Variants in SARDH observed in about 807,000 individuals in gnomAD.
SARDH encodes the protein sarcosine dehydrogenase, mitochondrial.
In SARDH, 95 loss-of-function variants were observed where a neutral mutation model predicts 109.1. The ratio of observed to expected loss-of-function variants is 0.87; its 90% CI spans 0.74 to 1.03. The LOEUF (loss-of-function observed/expected upper bound fraction) is 1.03, where lower values mean the gene tolerates loss of function less well. Among genes scored for constraint, SARDH ranks in the 50% least tolerant of loss-of-function variants. The pLI is 0.00. For missense variants in SARDH, 1,267 were observed against 1,287.8 expected (o/e 0.98, Z 0.25); for synonymous variants, 572 against 534.8 (o/e 1.07, Z -0.96).
chr9:133,737,542 C>A (rs979926636), intron 1 of SARDH, among the ~76,000 whole-genome samples: 2 of 152,188 alleles, frequency 1.3e-5, no homozygotes, highest in Admixed American at 6.5e-5. Flanking sequence ...AGGCTGAACA[C>A]CCCCACCCCA....
intron 3 of SARDH, 46 bp downstream of exon 3, chr9:133,732,377 C>CA: frequency 1.9e-6 from 1 of 517,400 alleles, no homozygotes; most frequent in African/African-American, 2.0e-5. Flanking sequence ...GGAGTGCACC[C>CA]ACCCACCCAA....
At chr9:133,723,822 G>C (rs1190725169) in intron 6 of SARDH, among the ~76,000 whole-genome samples, 2 of 152,070 alleles carry the variant, frequency 1.3e-5, no homozygotes, top group Non-Finnish European at 2.9e-5. Flanking sequence ...TTTCAGCAAG[G>C]GTGCTAAGAC....
downstream of SARDH, among the ~76,000 whole-genome samples, chr9:133,661,035 T>C (rs1161630199): frequency 1.3e-5 from 2 of 152,168 alleles, no homozygotes; most frequent in East Asian, 1.9e-4. Context: ...AAATCCTGTC[T>C]CTACAAAAAA....
chr9:133,734,396 C>T (rs9409852), intron 1 of SARDH, among the ~76,000 whole-genome samples, 193 bp from the exon 2 acceptor site: 140 of 128,798 alleles, frequency 1.1e-3, no homozygotes, highest in Non-Finnish European at 1.7e-3. Context: ...CATTCATTCA[C>T]TCATTCATTC....
intron 20 of SARDH, among the ~76,000 whole-genome samples, chr9:133,664,226 G>A (rs1349466027): frequency 1.3e-5 from 2 of 152,204 alleles, no homozygotes; most frequent in African/African-American, 4.8e-5. Flanking sequence ...TGGGCATCTG[G>A]GGTCCGGCAA....
In SARDH at chr9:133,671,599, C is replaced by T. The variant is rs760172937; in HGVS notation, c.2262G>A (p.Ala754=). The T allele has an allele frequency of 6.2e-6, 10 of 1,605,144 alleles. No individual in the cohort carries two copies. The highest frequency in any genetic ancestry group is 1.7e-4 in the Middle Eastern group (1 of 6,044). The part of the protein sequence containing the change: ...CVPVYRAVMA[A]GAKHGLINAG... ...CGTTGATGAGGCCGTGCTTGGCACC[C>T]GCGGCCATCACAGCCCGGTACACAG... The change falls in exon 18 of 21, where the codon GCG becomes GCA. Residue 754 remains alanine, a synonymous_variant. Coordinates refer to ENST00000439388, the MANE Select transcript of SARDH (RefSeq NM_001134707.2).
At chr9:133,713,004 C>T (rs1226723099) in intron 9 of SARDH, 34 bp downstream of exon 9, 1 of 1,585,820 alleles carries the variant, frequency 6.3e-7, no homozygotes, top group Non-Finnish European at 8.6e-7. Flanking sequence ...GGACCTCCCT[C>T]TTGGGGGCCA....
At chr9:133,708,143 G>T in intron 11 of SARDH, 144 bp downstream of exon 11, 1 of 940,668 alleles carries the variant, frequency 1.1e-6, no homozygotes, top group Non-Finnish European at 1.5e-6. Context: ...GGGGGTGCCG[G>T]GTTACTACCT....
intron 19 of SARDH, among the ~76,000 whole-genome samples, chr9:133,669,328 T>TC (rs1189324225): frequency 2.7e-5 from 2 of 74,470 alleles, no homozygotes; most frequent in African/African-American, 5.9e-5. Context: ...ACCCTCCCTC[T>TC]CCCTCGTCCT....
At chr9:133,676,790 C>T (rs894468647) in intron 17 of SARDH, among the ~76,000 whole-genome samples, 1 of 152,222 alleles carries the variant, frequency 6.6e-6, no homozygotes, top group Non-Finnish European at 1.5e-5. Context: ...AGTCAGACTG[C>T]AGAAAGCACA....
At chr9:133,679,842 G>A (rs987638740) in intron 17 of SARDH, among the ~76,000 whole-genome samples, 16 of 152,202 alleles carry the variant, frequency 1.1e-4, no homozygotes, top group Admixed American at 2.0e-4. Context: ...TTTGGGCAGC[G>A]GCAGGCGCCC....
chr9:133,730,083 G>T lies in SARDH; in HGVS notation c.795C>A (p.Pro265=). The T allele has an allele frequency of 6.2e-7, 1 of 1,614,202 alleles. No homozygotes were observed. Among genetic ancestry groups the T allele is most frequent in the Non-Finnish European group, 8.5e-7 (1 of 1,180,016 alleles). The part of the protein sequence containing the change: ...VETQHGSIQT[P]CVVNCAGVWA... ...TCGCACCTGCACAGTTGACCACGCA[G>T]GGTGTCTGGATGGAACCATGCTGAG... is the stretch of plus-strand genomic sequence containing the variant. Residue 265 remains proline, a synonymous_variant, in exon 5 of 21, where the codon CCC becomes CCA. Transcript: ENST00000439388.
chr9:133,716,949 G>A (rs1310362874), intron 8 of SARDH, among the ~76,000 whole-genome samples: 1 of 152,198 alleles, frequency 6.6e-6, no homozygotes, highest in East Asian at 1.9e-4. Flanking sequence ...TCCTGGCTCA[G>A]CCTCACAGGG....
chr9:133,685,968 AG>A (rs1267471189), intron 16 of SARDH, among the ~76,000 whole-genome samples: 2 of 152,200 alleles, frequency 1.3e-5, no homozygotes, highest in East Asian at 3.9e-4. Context: ...GCAGACTTGG[AG>A]GAGGTAGAGA....
intron 13 of SARDH, among the ~76,000 whole-genome samples, chr9:133,701,478 G>A (rs1194171002): frequency 1.3e-5 from 2 of 152,258 alleles, no homozygotes; most frequent in Non-Finnish European, 1.5e-5. Flanking sequence ...AGCAGGCCGG[G>A]GAAGCTGCCA....
intron 7 of SARDH, 58 bp from the exon 8 acceptor site, chr9:133,717,513 A>G (rs1456922878): frequency 6.2e-7 from 1 of 1,601,628 alleles, no homozygotes; most frequent in African/African-American, 1.3e-5. Flanking sequence ...ATGCATCCCC[A>G]TGCCAAACCT....
At chr9:133,722,188 A>G (rs1832347710) in intron 6 of SARDH, among the ~76,000 whole-genome samples, 2 of 152,220 alleles carry the variant, frequency 1.3e-5, no homozygotes. Context: ...AGTTTGGTAT[A>G]ATGTATGAAA....
In SARDH at chr9:133,663,590, A is replaced by G. The variant is rs968419191; in HGVS notation, c.*299T>C. 6 of 400,770 alleles carry G rather than the reference A, an allele frequency of 1.5e-5. No individual in the cohort carries two copies. The highest frequency in any genetic ancestry group is 4.2e-5 in the Admixed American group (1 of 24,058). 24.8% of individuals were successfully genotyped at this position (400,770 alleles called of 1,614,324 possible). A position where few individuals can be genotyped will look rare whatever the true frequency, so the allele number is the denominator to read the frequency against. ...ACGTGGGGCTTATCAAGTATTTACT[A>G]AGCACCTTCTAGAAGCTTGGAAAGG... On this transcript the variant is annotated 3_prime_UTR_variant, in exon 21 of 21. Transcript: ENST00000439388.
chr9:133,674,986 T>C (rs1830467684), intron 17 of SARDH, among the ~76,000 whole-genome samples: 1 of 152,124 alleles, frequency 6.6e-6, no homozygotes, highest in Non-Finnish European at 1.5e-5. Flanking sequence ...ATAAGGGCCT[T>C]CTACCCAGAC....
Sources: allele counts gnomAD v4.1 joint callset (sites outside exome capture counted in the v4.1 genomes callset), GRCh38; gene constraint gnomAD v4.1.1; transcripts MANE v1.5; gene names NCBI Gene and HGNC (gene_info 2026-07-23, HGNC 2026-07-21).